Variants in NEGR1 observed in about 807,000 individuals in gnomAD.
NEGR1 encodes neuronal growth regulator 1.
NEGR1 carries 10 observed loss-of-function variants against 40.9 expected under a neutral mutation model. The observed-to-expected ratio is 0.24, with a 90% confidence interval of 0.15 to 0.42. NEGR1 has a LOEUF of 0.42. Among genes scored for constraint, NEGR1 ranks in the 10% least tolerant of loss-of-function variants. The probability of loss-of-function intolerance (pLI) is 1.00; values close to 1 mark genes in which losing one functional copy is unlikely to be tolerated. For synonymous variants in NEGR1, 185 were observed against 166.8 expected (o/e 1.11, Z -0.84); for missense variants, 352 against 438.9 (o/e 0.80, Z 1.77).
At chr1:71,457,540 T>G (rs565934237) in intron 6 of NEGR1, among the ~76,000 whole-genome samples, 1 of 152,302 alleles carries the variant, frequency 6.6e-6, no homozygotes, top group Admixed American at 6.5e-5. Flanking sequence ...AGACAGCATC[T>G]CTGTTCTTAT....
intron 1 of NEGR1, among the ~76,000 whole-genome samples, chr1:72,233,354 T>C (rs1211574745): frequency 6.6e-6 from 1 of 152,112 alleles, no homozygotes; most frequent in Non-Finnish European, 1.5e-5. Context: ...CAAGGTTATA[T>C]TGCATAACAC....
intron 6 of NEGR1, among the ~76,000 whole-genome samples, chr1:71,560,030 G>A (rs1007207566): frequency 6.6e-6 from 1 of 151,168 alleles, no homozygotes; most frequent in African/African-American, 2.4e-5. Context: ...TTGAAGTCTA[G>A]TGCACATGAT....
intron 6 of NEGR1, among the ~76,000 whole-genome samples, chr1:71,459,377 AC>A (rs1253464590): frequency 1.3e-5 from 2 of 152,186 alleles, no homozygotes; most frequent in Non-Finnish European, 2.9e-5. Flanking sequence ...TGTTTTCTCC[AC>A]TAATATGAGG....
chr1:71,573,277 C>T (rs1162754497), intron 6 of NEGR1, among the ~76,000 whole-genome samples: 1 of 152,156 alleles, frequency 6.6e-6, no homozygotes, highest in Non-Finnish European at 1.5e-5. Flanking sequence ...ATGTACCACT[C>T]AGAGAAAAGG....
chr1:71,857,533 T>G (rs1263300380), intron 2 of NEGR1, among the ~76,000 whole-genome samples: 1 of 131,690 alleles, frequency 7.6e-6, no homozygotes, highest in Non-Finnish European at 1.5e-5. Context: ...GGATCTGAAG[T>G]GGGAAGATCA....
chr1:72,256,669 A>C (rs1655279697), intron 1 of NEGR1, among the ~76,000 whole-genome samples: 1 of 152,222 alleles, frequency 6.6e-6, no homozygotes, highest in Admixed American at 6.5e-5. Flanking sequence ...ACTAGAATAT[A>C]TAATCTGTGC....
intron 3 of NEGR1, among the ~76,000 whole-genome samples, chr1:71,744,284 C>CATATATATATAT (rs147978120): frequency 0.039 from 5,361 of 136,954 alleles, 137 homozygotes; most frequent in East Asian, 0.1. Context: ...TGACAAATAA[C>CATATATATATAT]ATATATATAT....
intron 3 of NEGR1, among the ~76,000 whole-genome samples, chr1:71,764,993 A>G (rs1189816550): frequency 6.6e-6 from 1 of 152,074 alleles, no homozygotes; most frequent in African/African-American, 2.4e-5. Flanking sequence ...GACCGAGAAG[A>G]AGCTCCAAAG....
At chr1:71,659,354 A>G (rs1651979909) in intron 4 of NEGR1, among the ~76,000 whole-genome samples, 1 of 152,174 alleles carries the variant, frequency 6.6e-6, no homozygotes, top group Non-Finnish European at 1.5e-5. Flanking sequence ...TCTTAAGTGT[A>G]AAACACAAAA....
chr1:71,805,383 G>T (rs1434691642), intron 2 of NEGR1, among the ~76,000 whole-genome samples: 1 of 152,042 alleles, frequency 6.6e-6, no homozygotes, highest in Non-Finnish European at 1.5e-5. Flanking sequence ...GGCTCAGGGG[G>T]CATCACGGAA....
At position 71,756,199 on chromosome 1, in the gene NEGR1, C is replaced by T. The variant is rs567491553; in HGVS notation, c.535+19973G>A. On this transcript the variant is annotated intron_variant, in intron 3 of 6. Transcript: ENST00000357731. ...GCCTGCTGATCACTTTTTAGTTAGC[C>T]ATTGTTCCTCTTCACTTCTGTGTGA... 5.9e-5 allele frequency among the ~76,000 whole-genome samples: 9 copies of T among 152,084 alleles called. No homozygotes were observed. In the South Asian group the frequency reaches 1.7e-3, roughly 28 times the overall value.
chr1:71,873,214 A>G (rs72931753), intron 2 of NEGR1, among the ~76,000 whole-genome samples: 21,314 of 150,414 alleles, frequency 0.14, 1,572 homozygotes, highest in African/African-American at 0.18. Context: ...TAACATTTAT[A>G]TTTGCAAAGT....
intron 6 of NEGR1, among the ~76,000 whole-genome samples, chr1:71,549,121 T>G (rs113586519): frequency 3.0e-4 from 46 of 151,812 alleles, no homozygotes; most frequent in African/African-American, 1.1e-3. Flanking sequence ...ATTTATTGAG[T>G]GCTTACTATA....
chr1:72,074,345 A>G (rs1647622066), intron 1 of NEGR1, among the ~76,000 whole-genome samples: 1 of 152,118 alleles, frequency 6.6e-6, no homozygotes, highest in African/African-American at 2.4e-5. Context: ...TTACAATTCC[A>G]CGTGCCTCAA....
intron 1 of NEGR1, among the ~76,000 whole-genome samples, chr1:72,121,907 T>A (rs1046512854): frequency 6.6e-6 from 1 of 152,006 alleles, no homozygotes; most frequent in Non-Finnish European, 1.5e-5. Context: ...ATTACAACTT[T>A]AGCTCCTTTT....
At chr1:71,619,488 C>T (rs1650547357) in intron 4 of NEGR1, among the ~76,000 whole-genome samples, 1 of 152,072 alleles carries the variant, frequency 6.6e-6, no homozygotes, top group Non-Finnish European at 1.5e-5. Context: ...CTTTCAATAA[C>T]ATTAAAGTGG....
chr1:71,469,804 G>A (rs1288176383), intron 6 of NEGR1, among the ~76,000 whole-genome samples: 1 of 152,030 alleles, frequency 6.6e-6, no homozygotes, highest in African/African-American at 2.4e-5. Flanking sequence ...GTCTCTGAGA[G>A]GCTTAAGTCA....
chr1:72,250,845 G>A (rs1487290255), intron 1 of NEGR1, among the ~76,000 whole-genome samples: 2 of 152,164 alleles, frequency 1.3e-5, no homozygotes, highest in African/African-American at 2.4e-5. Flanking sequence ...CAATAGGGCT[G>A]TATCTATACA....
At chr1:71,630,617 T>C (rs527244688) in intron 4 of NEGR1, among the ~76,000 whole-genome samples, 1 of 151,874 alleles carries the variant, frequency 6.6e-6, no homozygotes, top group East Asian at 1.9e-4. Flanking sequence ...AGTAATAGTA[T>C]CAAATAATTT....
Sources: gnomAD v4.1 joint callset for allele counts (sites outside exome capture counted in the v4.1 genomes callset) on GRCh38, gnomAD v4.1.1 for gene constraint, MANE v1.5 for transcripts, NCBI Gene and HGNC (gene_info 2026-07-23, HGNC 2026-07-21) for gene names.